Variants in EPHA3 observed in about 807,000 individuals in gnomAD.
EPHA3 encodes EPH receptor A3, also known as ephrin type-A receptor 3.
EPHA3 carries 42 observed loss-of-function variants against 107.1 expected under a neutral mutation model. That is an observed-to-expected ratio of 0.39 (90% CI 0.31 to 0.51). The LOEUF is 0.51. Among genes scored for constraint, EPHA3 ranks in the 20% least tolerant of loss-of-function variants. The pLI is 0.78. For synonymous variants in EPHA3, 461 were observed against 424.8 expected (o/e 1.09, Z -1.05); for missense variants, 1,183 against 1,211.2 (o/e 0.98, Z 0.35).
intron 5 of EPHA3, among the ~76,000 whole-genome samples, chr3:89,382,436 A>C (rs1708529559): frequency 6.6e-6 from 1 of 151,768 alleles, no homozygotes; most frequent in Non-Finnish European, 1.5e-5. Flanking sequence ...TGAACCAAGG[A>C]AGTGGAGGCT....
intron 3 of EPHA3, among the ~76,000 whole-genome samples, chr3:89,262,788 A>T (rs1705446042): frequency 6.6e-6 from 1 of 151,002 alleles, no homozygotes; most frequent in Non-Finnish European, 1.5e-5. Context: ...AACTCTATTC[A>T]CTCGCACCCA....
intron 5 of EPHA3, among the ~76,000 whole-genome samples, chr3:89,348,135 G>C (rs1439182892): frequency 9.0e-5 from 13 of 144,704 alleles, no homozygotes; most frequent in Non-Finnish European, 1.2e-4. Flanking sequence ...CTCATAAAAT[G>C]AGTTAGGGAG....
intron 2 of EPHA3, among the ~76,000 whole-genome samples, chr3:89,147,081 A>T (rs1166731577): frequency 1.3e-5 from 2 of 151,948 alleles, no homozygotes; most frequent in African/African-American, 2.4e-5. Flanking sequence ...AAACTAACAC[A>T]GGAACAAAAA....
At chr3:89,126,421 T>A (rs1354471605) in intron 1 of EPHA3, among the ~76,000 whole-genome samples, 1 of 151,736 alleles carries the variant, frequency 6.6e-6, no homozygotes, top group Non-Finnish European at 1.5e-5. Flanking sequence ...GTATGGAAAA[T>A]AAACAGTGTT....
chr3:89,454,681 C>A (rs947242492), intron 15 of EPHA3, among the ~76,000 whole-genome samples: 1 of 152,160 alleles, frequency 6.6e-6, no homozygotes, highest in Non-Finnish European at 1.5e-5. Context: ...ATAAAAAAAT[C>A]TCCTTTTGGT....
At chr3:89,135,402 C>T (rs532220765) in intron 2 of EPHA3, among the ~76,000 whole-genome samples, 84 of 152,220 alleles carry the variant, frequency 5.5e-4, no homozygotes, top group Non-Finnish European at 1.0e-3. Context: ...TCATGAAATT[C>T]TCCCTTAACT....
chr3:89,406,417 T>C (rs1709055738), intron 7 of EPHA3, among the ~76,000 whole-genome samples: 1 of 152,192 alleles, frequency 6.6e-6, no homozygotes, highest in Admixed American at 6.6e-5. Flanking sequence ...CTTTTTTCTG[T>C]AATAGGCCAG....
chr3:89,278,126 T>C (rs1406444130), intron 3 of EPHA3, among the ~76,000 whole-genome samples: 1 of 152,198 alleles, frequency 6.6e-6, no homozygotes, highest in East Asian at 1.9e-4. Context: ...GTCAAAATAC[T>C]TTTCTTTTGG....
intron 2 of EPHA3, among the ~76,000 whole-genome samples, chr3:89,181,596 G>T (rs1048738056): frequency 6.6e-6 from 1 of 151,940 alleles, no homozygotes; most frequent in East Asian, 1.9e-4. Context: ...TTAAATTTGA[G>T]CTTTTGGATT....
chr3:89,298,582 G>A (rs568909755), intron 3 of EPHA3, among the ~76,000 whole-genome samples: 94 of 152,080 alleles, frequency 6.2e-4, no homozygotes, highest in Non-Finnish European at 1.1e-3. Context: ...TTTCTTGTGA[G>A]ATGGTAAATT....
chr3:89,210,415 G>A lies in EPHA3; in HGVS notation c.709G>A (p.Glu237Lys), dbSNP rs139652107. 25 of 1,613,764 alleles carry A rather than the reference G, an allele frequency of 1.5e-5. No individual in the cohort carries two copies. The highest frequency in any genetic ancestry group is 2.1e-5 in the Non-Finnish European group (25 of 1,179,846). Residue 237 changes from glutamate to lysine, a missense_variant, in exon 3 of 17, where the codon GAA becomes AAA. Physicochemically the swap from Glu to Lys is moderately conservative, Grantham distance 56. Coordinates refer to ENST00000336596, the MANE Select transcript of EPHA3 (RefSeq NM_005233.6). ...GTCTTGTGTCAACAATTCTAAGGAGGAAGATCCTCCAAGGATGTACTGCAG... is the reference window on the plus strand; with the variant it reads ...GTCTTGTGTCAACAATTCTAAGGAGAAAGATCCTCCAAGGATGTACTGCAG... ...RGSCVNNSKE[E>K]DPPRMYCSTE...
intron 3 of EPHA3, among the ~76,000 whole-genome samples, chr3:89,324,245 G>A (rs1186046353): frequency 7.0e-6 from 1 of 142,564 alleles, no homozygotes; most frequent in Admixed American, 7.5e-5. Context: ...TTGGCTCACC[G>A]CAACCTCCAC....
intron 5 of EPHA3, among the ~76,000 whole-genome samples, chr3:89,350,015 G>A (rs1707770410): frequency 1.3e-5 from 2 of 150,332 alleles, no homozygotes; most frequent in Non-Finnish European, 3.0e-5. Flanking sequence ...TCCCTTTGAG[G>A]GTAACCTGAC....
intron 2 of EPHA3, among the ~76,000 whole-genome samples, chr3:89,151,701 A>T (rs1174641825): frequency 1.3e-5 from 2 of 152,152 alleles, no homozygotes; most frequent in African/African-American, 4.8e-5. Flanking sequence ...ACAATATATT[A>T]TTTTAGGAAA....
chr3:89,394,328 G>A (rs1455670597), intron 5 of EPHA3, among the ~76,000 whole-genome samples: 2 of 152,118 alleles, frequency 1.3e-5, no homozygotes, highest in African/African-American at 2.4e-5. Context: ...GGGAGGTGGA[G>A]GCTGCAGTAA....
chr3:89,435,330 T>C (rs1407716170), intron 13 of EPHA3, among the ~76,000 whole-genome samples: 2 of 151,354 alleles, frequency 1.3e-5, no homozygotes, highest in Admixed American at 6.6e-5. Context: ...CAGAGTGGGG[T>C]GGCTCACGCC....
chr3:89,422,752 T>A (rs915565762), intron 11 of EPHA3, among the ~76,000 whole-genome samples: 1 of 151,484 alleles, frequency 6.6e-6, no homozygotes, highest in Admixed American at 6.6e-5. Context: ...TTATTGTTAT[T>A]CGATTGTGTG....
chr3:89,451,825 C>T (rs1709996826), intron 15 of EPHA3, among the ~76,000 whole-genome samples: 1 of 151,952 alleles, frequency 6.6e-6, no homozygotes, highest in African/African-American at 2.4e-5. Context: ...GCGTTCAATG[C>T]ATGGGAAATT....
intron 3 of EPHA3, among the ~76,000 whole-genome samples, chr3:89,245,809 G>C (rs1705018491): frequency 6.6e-6 from 1 of 152,178 alleles, no homozygotes; most frequent in African/African-American, 2.4e-5. Flanking sequence ...TTTTGCCTCA[G>C]GTTAAAAGCC....
Sources: gnomAD v4.1 joint callset for allele counts (sites outside exome capture counted in the v4.1 genomes callset) on GRCh38, gnomAD v4.1.1 for gene constraint, MANE v1.5 for transcripts, NCBI Gene and HGNC (gene_info 2026-07-23, HGNC 2026-07-21) for gene names.